Variants in AKNAD1 observed in about 807,000 individuals in gnomAD.
AKNAD1 encodes protein AKNAD1.
AKNAD1 carries 67 observed loss-of-function variants against 90.8 expected under a neutral mutation model. The observed-to-expected ratio is 0.74, with a 90% confidence interval of 0.61 to 0.90. The LOEUF is 0.90. AKNAD1 is among the 40% of genes least tolerant of loss of function. The pLI, the probability that AKNAD1 is intolerant of heterozygous loss-of-function variation, is 0.00. For missense variants in AKNAD1, 957 were observed against 975.4 expected, an observed-to-expected ratio of 0.98 and a Z score of 0.25; for synonymous variants, 327 against 341.4, an observed-to-expected ratio of 0.96 and a Z score of 0.46.
chr1:108,822,463 C>G (rs2101161260), intron 13 of AKNAD1, among the ~76,000 whole-genome samples: 1 of 152,294 alleles, frequency 6.6e-6, no homozygotes, highest in Admixed American at 6.5e-5. Context: ...GAAATCTGTC[C>G]TGTGGCTTCT....
intron 6 of AKNAD1, among the ~76,000 whole-genome samples, chr1:108,839,342 G>A (rs1382713802): frequency 1.3e-5 from 2 of 152,030 alleles, no homozygotes; most frequent in African/African-American, 4.8e-5. Flanking sequence ...AAAACTTGGC[G>A]GATGCTTGTA....
At chr1:108,816,856 A>G (rs1570785897) in intron 15 of AKNAD1, 192 bp downstream of exon 15, 2 of 579,678 alleles carry the variant, frequency 3.5e-6, no homozygotes, top group East Asian at 3.3e-5. Flanking sequence ...CTTGGAACCA[A>G]TTTAGAATAA....
intron 8 of AKNAD1, 29 bp downstream of exon 8, chr1:108,834,900 T>A: frequency 6.6e-7 from 1 of 1,509,456 alleles, no homozygotes; most frequent in Non-Finnish European, 8.8e-7. Context: ...GTGTCCTGTG[T>A]CTGCTGGGGC....
At chr1:108,816,369 C>T in intron 15 of AKNAD1, 67 bp from the exon 16 acceptor site, 1 of 1,508,132 alleles carries the variant, frequency 6.6e-7, no homozygotes, top group Non-Finnish European at 9.0e-7. Context: ...TTTGGGTTCT[C>T]TCATTATTAA....
rs952148757 is a variant in AKNAD1, at chr1:108,834,446, C to T, written c.1746+1G>A. ...GCCAGGCCCCGGCTGCAGGACATTA[C>T]CCCAGAGTTAGAAGACAGCCTCATG... On this transcript the variant is annotated splice_donor_variant, in intron 9 of 15. Transcript: ENST00000370001. LOFTEE classifies it high-confidence loss of function. The T allele has an allele frequency of 1.2e-6, 2 of 1,606,856 alleles. No individual in the cohort carries two copies.
rs756246741 is a variant in AKNAD1 at position 108,852,275 on chromosome 1, A to T, written c.390T>A (p.Cys130Ter). 1 of 1,614,158 alleles carries T rather than the reference A, an allele frequency of 6.2e-7. No homozygotes were observed. Among genetic ancestry groups the T allele is most frequent in the Non-Finnish European group, 8.5e-7 (1 of 1,180,036 alleles). ...EPFLRGQGID[C>*]ETLPEISNAD... is the part of the protein sequence containing the mutation. ...CATTTGAGATCTCTGGGAGGGTTTC[A>T]CAATCAATGCCTTGACCTCTTAAGA... The change falls in exon 2 of 16, where the codon TGT becomes TGA. Residue 130 changes from cysteine to a stop codon, truncating the protein, a stop_gained. Transcript: ENST00000370001. LOFTEE classifies it high-confidence loss of function.
At chr1:108,817,547 G>C (rs1301062708) in intron 14 of AKNAD1, 1 of 123,442 alleles carries the variant, frequency 8.1e-6, no homozygotes, top group Non-Finnish European at 1.6e-5. Flanking sequence ...TGTTGCCCAG[G>C]CTGGAGTGCA....
chr1:108,850,291 G>A (rs1664811416), intron 2 of AKNAD1, among the ~76,000 whole-genome samples: 1 of 152,154 alleles, frequency 6.6e-6, no homozygotes, highest in Admixed American at 6.6e-5. Context: ...TATGAAACCT[G>A]CAGTGTCCAA....
intron 1 of AKNAD1, among the ~76,000 whole-genome samples, chr1:108,856,646 C>T (rs1281698324): frequency 6.6e-6 from 1 of 151,996 alleles, no homozygotes; most frequent in Non-Finnish European, 1.5e-5. Flanking sequence ...GTCAAGGCTG[C>T]AGTGAGCAGA....
intron 5 of AKNAD1, among the ~76,000 whole-genome samples, chr1:108,843,814 T>C (rs769782980): frequency 2.0e-5 from 3 of 152,176 alleles, no homozygotes; most frequent in African/African-American, 7.2e-5. Context: ...CAGGAAGATT[T>C]AGCCAAAGCT....
intron 5 of AKNAD1, among the ~76,000 whole-genome samples, chr1:108,845,724 C>G (rs1664683241): frequency 6.6e-6 from 1 of 152,162 alleles, no homozygotes; most frequent in African/African-American, 2.4e-5. Context: ...CCTGACTAAA[C>G]TGGGGAATTT....
At chr1:108,854,929 A>G (rs1268433455) in intron 1 of AKNAD1, among the ~76,000 whole-genome samples, 1 of 152,288 alleles carries the variant, frequency 6.6e-6, no homozygotes, top group African/African-American at 2.4e-5. Flanking sequence ...GACTAGCAAT[A>G]CCTGAAATAA....
At chr1:108,827,157 G>C (rs1371503115) in intron 11 of AKNAD1, 48 bp downstream of exon 11, 1 of 1,429,568 alleles carries the variant, frequency 7.0e-7, no homozygotes, top group East Asian at 2.3e-5. Context: ...AGACCCCATG[G>C]GGAGGGACAC....
At chr1:108,857,801 C>G (rs2101231975), upstream of AKNAD1, among the ~76,000 whole-genome samples, 1 of 152,356 alleles carries the variant, frequency 6.6e-6, no homozygotes, top group Non-Finnish European at 1.5e-5. Context: ...TCCTACACTT[C>G]TAAGATCAGC....
chr1:108,828,260 A>G (rs907184390), intron 10 of AKNAD1, among the ~76,000 whole-genome samples: 1 of 151,666 alleles, frequency 6.6e-6, no homozygotes, highest in Admixed American at 6.6e-5. Context: ...AGGCTGAGGG[A>G]GCACGTGAAG....
intron 14 of AKNAD1, 118 bp downstream of exon 14, chr1:108,820,427 G>A (rs1179551348): frequency 1.6e-6 from 1 of 641,092 alleles, no homozygotes; most frequent in Non-Finnish European, 2.7e-6. Flanking sequence ...TTTGAATCCT[G>A]GCTCTACTCC....
intron 14 of AKNAD1, among the ~76,000 whole-genome samples, chr1:108,819,293 C>T (rs1348582375): frequency 1.5e-5 from 2 of 137,268 alleles, no homozygotes; most frequent in Non-Finnish European, 3.1e-5. Flanking sequence ...CTTTAAAACA[C>T]TAAGAAATTT....
At chr1:108,850,836 G>A (rs1317127233) in intron 2 of AKNAD1, among the ~76,000 whole-genome samples, 1 of 152,062 alleles carries the variant, frequency 6.6e-6, no homozygotes, top group African/African-American at 2.4e-5. Flanking sequence ...CTTACTATTG[G>A]GCCTCAAACA....
At chr1:108,846,954 A>C (rs975400455) in intron 5 of AKNAD1, among the ~76,000 whole-genome samples, 1 of 152,004 alleles carries the variant, frequency 6.6e-6, no homozygotes, top group Non-Finnish European at 1.5e-5. Flanking sequence ...TCTGGAGCTC[A>C]TCCAAGCCTC....
Sources: allele counts gnomAD v4.1 joint callset (sites outside exome capture counted in the v4.1 genomes callset), GRCh38; gene constraint gnomAD v4.1.1; transcripts MANE v1.5; gene names NCBI Gene and HGNC (gene_info 2026-07-23, HGNC 2026-07-21).